Variants in SDK1 observed in about 807,000 individuals in gnomAD.
The protein encoded by SDK1 is protein sidekick-1.
In SDK1, 157 loss-of-function variants were observed where a neutral mutation model predicts 245.5. That is an observed-to-expected ratio of 0.64 (90% CI 0.56 to 0.73). The LOEUF is 0.73. SDK1 is among the 30% of genes least tolerant of loss of function. SDK1 has a pLI of 0.00. For missense variants in SDK1, 3,583 were observed against 3,002.3 expected, an observed-to-expected ratio of 1.19 and a Z score of -4.52; for synonymous variants, 1,647 against 1,278.5, an observed-to-expected ratio of 1.29 and a Z score of -6.15.
chr7:3,764,500 A>T (rs1025133908), intron 4 of SDK1, among the ~76,000 whole-genome samples: 1 of 152,096 alleles, frequency 6.6e-6, no homozygotes, highest in Non-Finnish European at 1.5e-5. Flanking sequence ...AGCCTGACCA[A>T]CATGGTGAAA....
chr7:4,248,253 G>C (rs35168770), intron 44 of SDK1, among the ~76,000 whole-genome samples: 32,996 of 150,804 alleles, frequency 0.22, 3,905 homozygotes, highest in Non-Finnish European at 0.26. Flanking sequence ...TACCTAAATA[G>C]AACACACAAC....
intron 4 of SDK1, among the ~76,000 whole-genome samples, chr7:3,645,263 C>A (rs1281942126): frequency 1.3e-5 from 2 of 152,186 alleles, no homozygotes; most frequent in Non-Finnish European, 2.9e-5. Context: ...GGTCTGCTTA[C>A]AAGCATGAAG....
At chr7:3,332,659 G>A (rs955406375) in intron 1 of SDK1, among the ~76,000 whole-genome samples, 1 of 152,098 alleles carries the variant, frequency 6.6e-6, no homozygotes, top group Non-Finnish European at 1.5e-5. Flanking sequence ...TATAATTAAA[G>A]TTAGTAGAGG....
rs74944924 is a variant in SDK1 at position 4,109,077 on chromosome 7, C to T, written c.3325-1586C>T. On this transcript the variant is annotated intron_variant, in intron 22 of 44. Transcript: ENST00000404826. ...TTTTGTTTATCCACTCAGTGCTGGG[C>T]GTTTGCCTTGTTCACGGCTTTGACT... Among the ~76,000 whole-genome samples, 843 of 152,264 alleles carry T rather than the reference C, an allele frequency of 5.5e-3. 7 individuals carry two copies. Among genetic ancestry groups the T allele is most frequent in the African/African-American group, 0.019 (786 of 41,542 alleles).
chr7:4,014,418 C>A (rs1391730030), intron 16 of SDK1, among the ~76,000 whole-genome samples: 1 of 152,096 alleles, frequency 6.6e-6, no homozygotes, highest in Non-Finnish European at 1.5e-5. Flanking sequence ...GTACCCTAGG[C>A]CTGTGAATAT....
intron 4 of SDK1, among the ~76,000 whole-genome samples, chr7:3,681,629 A>G (rs555320674): frequency 1.8e-4 from 28 of 152,212 alleles, no homozygotes; most frequent in South Asian, 2.1e-4. Context: ...TGTGTCTCCC[A>G]TCACTAAAAT....
intron 1 of SDK1, among the ~76,000 whole-genome samples, chr7:3,513,636 AT>A (rs1782648865): frequency 6.6e-6 from 1 of 152,182 alleles, no homozygotes; most frequent in South Asian, 2.1e-4. Flanking sequence ...TTTTAAAATA[AT>A]TTCAACTTTT....
At chr7:3,428,692 A>G (rs189559150) in intron 1 of SDK1, among the ~76,000 whole-genome samples, 154 of 152,310 alleles carry the variant, frequency 1.0e-3, no homozygotes, top group Non-Finnish European at 2.0e-3. Flanking sequence ...TAAAAATCCA[A>G]TTATTGTAAA....
chr7:3,936,993 C>A (rs1337033738), intron 5 of SDK1, among the ~76,000 whole-genome samples: 1 of 152,122 alleles, frequency 6.6e-6, no homozygotes, highest in Non-Finnish European at 1.5e-5. Flanking sequence ...CTCGGAGAGG[C>A]TGTGAAAGAG....
intron 5 of SDK1, among the ~76,000 whole-genome samples, chr7:3,864,462 C>G (rs1780772075): frequency 6.6e-6 from 1 of 152,130 alleles, no homozygotes; most frequent in African/African-American, 2.4e-5. Context: ...AAGAATAAGA[C>G]AAAAGGGTAA....
In SDK1 at chr7:4,159,845, C is replaced by A. The variant is rs146316530; in HGVS notation, c.4729+1294C>A. 3.3e-3 allele frequency among the ~76,000 whole-genome samples: 509 copies of A among 152,358 alleles called. 4 individuals carry two copies. Among genetic ancestry groups the A allele is most frequent in the African/African-American group, 0.012 (489 of 41,574 alleles). On this transcript the variant is annotated intron_variant, in intron 31 of 44. Transcript: ENST00000404826. ...GACCTTGTACAATTTCTAGATTACTCATGAGAGCTCCTACAATTATAACAT... is the reference window on the plus strand; with the variant it reads ...GACCTTGTACAATTTCTAGATTACTAATGAGAGCTCCTACAATTATAACAT...
intron 5 of SDK1, among the ~76,000 whole-genome samples, chr7:3,853,437 G>A (rs1484203771): frequency 1.3e-5 from 2 of 151,876 alleles, no homozygotes; most frequent in Non-Finnish European, 2.9e-5. Flanking sequence ...TTAATCAAGT[G>A]ATTTTAATAT....
intron 28 of SDK1, among the ~76,000 whole-genome samples, chr7:4,139,653 G>GTGTGTGTATATGTATATA (rs1779409831): frequency 7.7e-6 from 1 of 129,568 alleles, no homozygotes; most frequent in African/African-American, 2.9e-5. Context: ...GTGTATATGT[G>GTGTGTGTATATGTATATA]TGTGTGTATA....
At chr7:4,208,957 G>A (rs895701536) in intron 37 of SDK1, among the ~76,000 whole-genome samples, 2 of 152,240 alleles carry the variant, frequency 1.3e-5, no homozygotes, top group East Asian at 3.9e-4. Context: ...AAGGCCCTCT[G>A]TAGGATTCTG....
chr7:3,589,578 A>G (rs1160894488), intron 1 of SDK1, among the ~76,000 whole-genome samples: 2 of 152,246 alleles, frequency 1.3e-5, no homozygotes, highest in Non-Finnish European at 2.9e-5. Context: ...ATAGTTCCAC[A>G]TGGCTGGGGA....
At chr7:3,583,644 T>G (rs1213996370) in intron 1 of SDK1, among the ~76,000 whole-genome samples, 1 of 152,082 alleles carries the variant, frequency 6.6e-6, no homozygotes, top group Non-Finnish European at 1.5e-5. Flanking sequence ...CTGGCATCTG[T>G]GCTTCTACAC....
At position 4,139,471 on chromosome 7, in the gene SDK1, GTGTGTATA is replaced by G. The variant is rs1258523116; in HGVS notation, c.4229-6245_4229-6238del. 3.7e-4 allele frequency among the ~76,000 whole-genome samples: 56 copies of G among 150,102 alleles called. 4 individuals carry two copies. The highest frequency in any genetic ancestry group is 1.3e-3 in the African/African-American group (54 of 40,736). On this transcript the variant is annotated intron_variant, in intron 28 of 44. Transcript: ENST00000404826. Reference sequence around the variant, plus strand: ...TATGTGTGTGTATATGTATATATGTGTGTGTATATGTGTGTGTATATATGTGTGTGTGT... The same window carrying G: ...TATGTGTGTGTATATGTATATATGTGTGTGTGTGTATATATGTGTGTGTGT...
intron 1 of SDK1, among the ~76,000 whole-genome samples, chr7:3,415,688 C>T (rs1779344901): frequency 6.7e-6 from 1 of 150,052 alleles, no homozygotes; most frequent in Non-Finnish European, 1.5e-5. Context: ...GCCAGTTTTC[C>T]TTACCATATA....
chr7:3,469,640 A>G (rs1781121834), intron 1 of SDK1, among the ~76,000 whole-genome samples: 1 of 152,190 alleles, frequency 6.6e-6, no homozygotes, highest in Non-Finnish European at 1.5e-5. Context: ...TGACCTTTGT[A>G]AAGACTTTGT....
Sources: allele counts gnomAD v4.1 joint callset (sites outside exome capture counted in the v4.1 genomes callset), GRCh38; gene constraint gnomAD v4.1.1; transcripts MANE v1.5; gene names NCBI Gene and HGNC (gene_info 2026-07-23, HGNC 2026-07-21).